The following TAF3 variants were observed in gnomAD, a reference collection of about 807,000 sequenced individuals.
TAF3 encodes TATA-box binding protein associated factor 3, also known as transcription initiation factor TFIID subunit 3.
TAF3 carries 7 observed loss-of-function variants against 80.6 expected under a neutral mutation model. That is an observed-to-expected ratio of 0.09 (90% CI 0.05 to 0.16). The LOEUF (loss-of-function observed/expected upper bound fraction) is 0.16, where lower values mean the gene tolerates loss of function less well. TAF3 is among the 10% of genes least tolerant of loss of function. The pLI is 1.00. For missense variants in TAF3, 921 were observed against 1,140.2 expected, an observed-to-expected ratio of 0.81 and a Z score of 2.77; for synonymous variants, 444 against 446.1, an observed-to-expected ratio of 1.00 and a Z score of 0.06.
At chr10:8,002,366 A>T (rs1831953070) in intron 4 of TAF3, among the ~76,000 whole-genome samples, 1 of 152,170 alleles carries the variant, frequency 6.6e-6, no homozygotes, top group African/African-American at 2.4e-5. Flanking sequence ...CGGGAGCTAT[A>T]ATTTTGAATG....
intron 4 of TAF3, among the ~76,000 whole-genome samples, chr10:7,980,836 C>A (rs1831719260): frequency 6.6e-6 from 1 of 152,160 alleles, no homozygotes; most frequent in African/African-American, 2.4e-5. Context: ...GAGGCCAGGG[C>A]AGGTGGCAAA....
rs376770999 is a variant in TAF3 at position 7,858,835 on chromosome 10, C to CGT, written c.409+34275_409+34276insGT. Among the ~76,000 whole-genome samples the CGT allele has an allele frequency of 4.0e-5, 6 of 151,514 alleles. No homozygotes were observed. In the East Asian group the frequency reaches 5.8e-4, roughly 15 times the overall value. On this transcript the variant is annotated intron_variant, in intron 2 of 6. Transcript: ENST00000344293. The stretch of plus-strand genomic sequence containing the variant: ...GTGTGTGTGTGTGTGTGTGCGCGCG[C>CGT]CTGCATGTCACTGAATGTACGTGTG...
chr10:7,999,056 A>G (rs1348483863), intron 4 of TAF3, among the ~76,000 whole-genome samples: 1 of 152,200 alleles, frequency 6.6e-6, no homozygotes, highest in Non-Finnish European at 1.5e-5. Context: ...GTTGGCAAAC[A>G]GAAATCTCAG....
intron 2 of TAF3, among the ~76,000 whole-genome samples, chr10:7,949,663 C>T (rs1838062871): frequency 6.6e-6 from 1 of 152,252 alleles, no homozygotes; most frequent in African/African-American, 2.4e-5. Flanking sequence ...AGTTGTAAGA[C>T]ACACCATTCA....
intron 2 of TAF3, among the ~76,000 whole-genome samples, chr10:7,885,359 G>A (rs1046152080): frequency 6.6e-6 from 1 of 151,808 alleles, no homozygotes; most frequent in Admixed American, 6.6e-5. Flanking sequence ...AGTTAGATTC[G>A]TTTATTTCCA....
intron 1 of TAF3, among the ~76,000 whole-genome samples, chr10:7,821,922 G>A (rs1836694225): frequency 6.6e-6 from 1 of 152,166 alleles, no homozygotes; most frequent in Admixed American, 6.5e-5. Flanking sequence ...AAGCTGTCCA[G>A]GTGAGATTAA....
At chr10:7,831,813 G>A (rs1418626430) in intron 2 of TAF3, among the ~76,000 whole-genome samples, 1 of 152,022 alleles carries the variant, frequency 6.6e-6, no homozygotes, top group Admixed American at 6.5e-5. Flanking sequence ...GTATAGTCAT[G>A]TTCTATGCTT....
chr10:7,917,766 G>A (rs1837725282), intron 2 of TAF3, among the ~76,000 whole-genome samples: 1 of 152,186 alleles, frequency 6.6e-6, no homozygotes, highest in African/African-American at 2.4e-5. Flanking sequence ...AGGAAATGAG[G>A]AAAGATGGGA....
intron 2 of TAF3, chr10:7,833,836 C>A: frequency 1.4e-6 from 1 of 700,034 alleles, no homozygotes; most frequent in Non-Finnish European, 2.0e-6. Flanking sequence ...GAACTGTCTC[C>A]CTTCCTGGGG....
chr10:8,009,427 T>C lies in TAF3; in HGVS notation c.2568+97T>C, dbSNP rs1373755684. ...CTATCGAATTTCAGACGCATTTCTC[T>C]TCAAAATTTTATTATTTACTTAATT... On this transcript the variant is annotated intron_variant, in intron 5 of 6. Transcript: ENST00000344293. This position sits in a 1 kb window ranked among gnomAD's most constrained non-coding sequence, Gnocchi z 4.1. 7.1e-7 allele frequency: 1 copy of C among 1,413,308 alleles called. No individual in the cohort carries two copies. Among genetic ancestry groups the C allele is most frequent in the South Asian group, 1.3e-5 (1 of 76,696 alleles). 87.5% of individuals were successfully genotyped at this position (1,413,308 alleles called of 1,614,324 possible).
intron 3 of TAF3, among the ~76,000 whole-genome samples, chr10:7,968,891 A>G (rs1347806835): frequency 2.0e-5 from 3 of 152,240 alleles, no homozygotes; most frequent in African/African-American, 7.2e-5. Flanking sequence ...TAGTGATGAT[A>G]AATCCAGAGA....
chr10:7,874,603 AT>A (rs1230658513), intron 2 of TAF3, among the ~76,000 whole-genome samples: 10 of 151,704 alleles, frequency 6.6e-5, no homozygotes. Context: ...CATTTTCATG[AT>A]TTTTTTTCTT....
At chr10:8,003,910 C>T (rs996097930) in intron 4 of TAF3, among the ~76,000 whole-genome samples, 1 of 151,778 alleles carries the variant, frequency 6.6e-6, no homozygotes, top group Admixed American at 6.6e-5. Context: ...CATTGCCAGT[C>T]ATTACCAAGT....
chr10:7,842,408 C>T (rs1011301218), intron 2 of TAF3, among the ~76,000 whole-genome samples: 3 of 151,978 alleles, frequency 2.0e-5, no homozygotes, highest in East Asian at 1.9e-4. Flanking sequence ...AGTCTTCCAG[C>T]GTTGGCCTCC....
chr10:7,826,782 A>G (rs927669517), intron 2 of TAF3, among the ~76,000 whole-genome samples: 1 of 152,194 alleles, frequency 6.6e-6, no homozygotes. Flanking sequence ...TATAAAATGC[A>G]ATTCTTTGGT....
At chr10:7,862,279 C>T (rs11255411) in intron 2 of TAF3, among the ~76,000 whole-genome samples, 7,025 of 152,170 alleles carry the variant, frequency 0.046, 292 homozygotes, top group Admixed American at 0.11. Flanking sequence ...TCTGTTTTTT[C>T]ACATGTCTAA....
At chr10:7,879,003 C>T (rs2131152519) in intron 2 of TAF3, among the ~76,000 whole-genome samples, 1 of 152,274 alleles carries the variant, frequency 6.6e-6, no homozygotes, top group East Asian at 1.9e-4. Flanking sequence ...GCTGGGATTA[C>T]AGGCATAAGT....
intron 2 of TAF3, among the ~76,000 whole-genome samples, chr10:7,877,509 T>TA (rs1370221941): frequency 2.0e-5 from 3 of 152,332 alleles, no homozygotes; most frequent in Non-Finnish European, 1.5e-5. Context: ...AGCACCTTGT[T>TA]ATTTAATTCC....
intron 2 of TAF3, among the ~76,000 whole-genome samples, chr10:7,952,274 A>C (rs1303724359): frequency 6.6e-6 from 1 of 152,368 alleles, no homozygotes; most frequent in South Asian, 2.1e-4. Flanking sequence ...GCAAAAAAAA[A>C]ATCCACCATA....
Sources: gnomAD v4.1 joint callset for allele counts (sites outside exome capture counted in the v4.1 genomes callset) on GRCh38, gnomAD v4.1.1 for gene constraint, Gnocchi (gnomAD v3.1) non-coding constraint, MANE v1.5 for transcripts, NCBI Gene and HGNC (gene_info 2026-07-23, HGNC 2026-07-21) for gene names.